The following THSD4 variants were observed in gnomAD, a reference collection of about 807,000 sequenced individuals.
THSD4 encodes thrombospondin type-1 domain-containing protein 4.
THSD4 carries 69 observed loss-of-function variants against 119.0 expected under a neutral mutation model. That is an observed-to-expected ratio of 0.58 (90% confidence interval 0.48 to 0.71). The LOEUF (loss-of-function observed/expected upper bound fraction) is 0.71, where lower values mean the gene tolerates loss of function less well. Among genes scored for constraint, THSD4 ranks in the 30% least tolerant of loss-of-function variants. The pLI is 0.00. For synonymous variants in THSD4, 524 were observed against 540.4 expected (o/e 0.97, Z 0.42); for missense variants, 1,393 against 1,391.1 (o/e 1.00, Z -0.02).
chr15:71,197,950 G>A (rs2043734385), intron 3 of THSD4, among the ~76,000 whole-genome samples: 1 of 152,314 alleles, frequency 6.6e-6, no homozygotes, highest in South Asian at 2.1e-4. Flanking sequence ...ATATACATGT[G>A]TGGCTTAGAA....
intron 7 of THSD4, among the ~76,000 whole-genome samples, chr15:71,439,311 T>C (rs1381975769): frequency 6.6e-6 from 1 of 152,196 alleles, no homozygotes; most frequent in African/African-American, 2.4e-5. Flanking sequence ...TACTTACTCT[T>C]CTTGTGTTCT....
intron 3 of THSD4, among the ~76,000 whole-genome samples, chr15:71,189,939 G>T (rs993907547): frequency 6.6e-5 from 10 of 152,170 alleles, no homozygotes; most frequent in African/African-American, 2.4e-4. Context: ...AGAGGCTGCT[G>T]ATGCTCATCC....
rs182010218 is a variant in THSD4 at position 71,369,123 on chromosome 15, A to C, written c.1016-42564A>C. On this transcript the variant is annotated intron_variant, in intron 6 of 17. Coordinates refer to ENST00000261862, the MANE Select transcript of THSD4 (RefSeq NM_024817.3). ...ATAAGAATGCTTGTGATTTTTGCAC[A>C]TTGATTTTGTATCCTAAGACTTTGC... Among the ~76,000 whole-genome samples, 974 of 152,288 alleles carry C rather than the reference A, an allele frequency of 6.4e-3. 9 individuals carry two copies. Among genetic ancestry groups the C allele is most frequent in the African/African-American group, 0.022 (923 of 41,528 alleles).
intron 7 of THSD4, among the ~76,000 whole-genome samples, chr15:71,555,966 T>C (rs1332646266): frequency 2.6e-5 from 4 of 152,196 alleles, no homozygotes; most frequent in Non-Finnish European, 4.4e-5. Context: ...TTTCCATATA[T>C]ATGTCTATCT....
Position 71,164,931 on chromosome 15 carries a change from G to A in THSD4, c.99+9999G>A, listed in dbSNP as rs1224808062. ...GCTGCATCAGGCTTTCCTTTAGCTC[G>A]ATATGCAGCAATATCCTTTTCGTAT... On this transcript the variant is annotated intron_variant, in intron 3 of 17. Coordinates refer to ENST00000261862, the MANE Select transcript of THSD4 (RefSeq NM_024817.3). 3.6e-5 allele frequency: 57 copies of A among 1,575,656 alleles called. No homozygotes were observed. In the East Asian group the frequency reaches 6.4e-4, roughly 18 times the overall value.
chr15:71,292,763 G>A (rs1037598952), intron 6 of THSD4, among the ~76,000 whole-genome samples: 17 of 147,730 alleles, frequency 1.2e-4, no homozygotes, highest in African/African-American at 3.8e-4. Flanking sequence ...TGCAAGCTCC[G>A]CCTCCCGGGT....
At chr15:71,500,346 G>A (rs1005097325) in intron 7 of THSD4, among the ~76,000 whole-genome samples, 20 of 152,142 alleles carry the variant, frequency 1.3e-4, no homozygotes, top group African/African-American at 4.3e-4. Context: ...TTGTTGAGTT[G>A]TAAGAGTGTT....
chr15:71,474,647 T>C (rs1401343034), intron 7 of THSD4, among the ~76,000 whole-genome samples: 1 of 152,238 alleles, frequency 6.6e-6, no homozygotes, highest in African/African-American at 2.4e-5. Flanking sequence ...CTATGCTCTC[T>C]GTCTGCAGAA....
At chr15:71,122,487 C>T (rs2040416831) in intron 1 of THSD4, among the ~76,000 whole-genome samples, 1 of 152,216 alleles carries the variant, frequency 6.6e-6, no homozygotes. Context: ...TCTCTCCCTG[C>T]TCTCAGCCTC....
intron 6 of THSD4, among the ~76,000 whole-genome samples, chr15:71,362,455 TG>T (rs1178648957): frequency 6.6e-6 from 1 of 152,164 alleles, no homozygotes; most frequent in Non-Finnish European, 1.5e-5. Context: ...TCTTTAAATC[TG>T]GGGTAGAATA....
chr15:71,119,325 C>T (rs533365853), intron 1 of THSD4, among the ~76,000 whole-genome samples: 3 of 152,186 alleles, frequency 2.0e-5, no homozygotes, highest in Admixed American at 6.5e-5. Flanking sequence ...AAGCAGGGCT[C>T]GAGAACTGGC....
Position 71,639,447 on chromosome 15 carries a change from C to T in THSD4, c.1153-21083C>T, listed in dbSNP as rs1054016467. Among the ~76,000 whole-genome samples, 2 of 152,116 alleles carry T rather than the reference C, an allele frequency of 1.3e-5. 1 individual carries two copies. Among genetic ancestry groups the T allele is most frequent in the Admixed American group, 1.3e-4 (2 of 15,262 alleles). On this transcript the variant is annotated intron_variant, in intron 7 of 17. Transcript: ENST00000261862. ...CCACAAAATTCCACTCCACAAGGGT[C>T]TGGGTTCTAATTTCTTCATTCTTTA...
chr15:71,166,845 G>T (rs1459841613), intron 3 of THSD4, among the ~76,000 whole-genome samples: 1 of 152,132 alleles, frequency 6.6e-6, no homozygotes, highest in Non-Finnish European at 1.5e-5. Flanking sequence ...ACTGAGCAAA[G>T]TGTATCACAT....
At chr15:71,183,704 C>A (rs2043562122) in intron 3 of THSD4, among the ~76,000 whole-genome samples, 1 of 85,864 alleles carries the variant, frequency 1.2e-5, no homozygotes, top group Non-Finnish European at 3.0e-5. Flanking sequence ...AAACATGTTT[C>A]TTCTCAAGGT....
At position 71,402,614 on chromosome 15, in the gene THSD4, A is replaced by G. The variant is rs561700165; in HGVS notation, c.1016-9073A>G. ...GGAGAGCCCTGAAGAGTTACCAGCAATTGAGACAGGGTGGGCCTTTGTACC... is the reference window on the plus strand; with the variant it reads ...GGAGAGCCCTGAAGAGTTACCAGCAGTTGAGACAGGGTGGGCCTTTGTACC... On this transcript the variant is annotated intron_variant, in intron 6 of 17. Coordinates refer to ENST00000261862, the MANE Select transcript of THSD4 (RefSeq NM_024817.3). Among the ~76,000 whole-genome samples the G allele has an allele frequency of 2.6e-5, 4 of 152,302 alleles. No homozygotes were observed. The South Asian group carries it at 8.3e-4, about 32-fold the overall frequency.
chr15:71,626,851 T>C (rs780607796), intron 7 of THSD4, among the ~76,000 whole-genome samples: 2 of 152,232 alleles, frequency 1.3e-5, no homozygotes, highest in Non-Finnish European at 2.9e-5. Flanking sequence ...GGACATACTA[T>C]GTCATTAAAT....
chr15:71,746,999 T>A lies in THSD4; in HGVS notation c.2198T>A (p.Leu733His). ...CCTGAGACCACCAGCACCTGCCAAC[T>A]CAAGATCTGCAGCGAGTGGCAGATC... ...EKPETTSTCQ[L>H]KICSEWQIRT... Residue 733 changes from leucine (L) to histidine (H), a missense_variant, in exon 13 of 18, where the codon CTC (leucine) becomes CAC (histidine). Physicochemically the swap from Leu to His is moderately conservative, Grantham distance 99. Transcript: ENST00000261862. The A allele has an allele frequency of 6.2e-7, 1 of 1,613,114 alleles. No individual in the cohort carries two copies. The highest frequency in any genetic ancestry group is 8.5e-7 in the Non-Finnish European group (1 of 1,179,916).
chr15:71,159,508 T>G (rs2043230027), intron 3 of THSD4, among the ~76,000 whole-genome samples: 2 of 152,182 alleles, frequency 1.3e-5, no homozygotes, highest in African/African-American at 4.8e-5. Context: ...ACCTCCTTAC[T>G]TAAGTTTATT....
At chr15:71,679,409 C>T (rs2051723478) in intron 8 of THSD4, among the ~76,000 whole-genome samples, 1 of 152,140 alleles carries the variant, frequency 6.6e-6, no homozygotes, top group Non-Finnish European at 1.5e-5. Context: ...GCAGCATAGA[C>T]AATATGTGAA....
Sources: allele counts gnomAD v4.1 joint callset (sites outside exome capture counted in the v4.1 genomes callset), GRCh38; gene constraint gnomAD v4.1.1; transcripts MANE v1.5; gene names NCBI Gene and HGNC (gene_info 2026-07-23, HGNC 2026-07-21).